The following DIP2A variants were observed in gnomAD, a reference collection of about 807,000 sequenced individuals.
The protein encoded by DIP2A is DIP2 acetate--CoA ligase A, also known as disco-interacting protein 2 homolog A.
In DIP2A, 85 loss-of-function variants were observed where a neutral mutation model predicts 177.4. The observed-to-expected ratio is 0.48, with a 90% CI of 0.40 to 0.57. DIP2A has a LOEUF of 0.57. DIP2A is among the 20% of genes least tolerant of loss of function. The pLI is 0.00. For synonymous variants in DIP2A, 886 were observed against 881.8 expected, an observed-to-expected ratio of 1.00 and a Z score of -0.08; for missense variants, 1,791 against 2,100.2, an observed-to-expected ratio of 0.85 and a Z score of 2.88.
In DIP2A at chr21:46,554,602, G is replaced by T; in HGVS notation, c.3182G>T (p.Gly1061Val). 1 of 1,611,442 alleles carries T rather than the reference G, an allele frequency of 6.2e-7. No homozygotes were observed. The highest frequency in any genetic ancestry group is 8.5e-7 in the Non-Finnish European group (1 of 1,178,940). The part of the protein sequence containing the change: ...PGVDLIAAFY[G>V]CLYCGCVPVT... ...GTGGACCTCATTGCCGCGTTCTATG[G>T]CTGCTTGTACTGTGGCTGCGTGCCT... is the stretch of plus-strand genomic sequence containing the variant. Residue 1061 changes from glycine (G) to valine (V), a missense_variant, in exon 27 of 38, where the codon GGC becomes GTC. Coordinates refer to ENST00000417564, the MANE Select transcript of DIP2A (RefSeq NM_015151.4).
intron 17 of DIP2A, 128 bp from the exon 18 acceptor site, chr21:46,541,628 C>A: frequency 1.9e-6 from 2 of 1,060,286 alleles, no homozygotes; most frequent in Non-Finnish European, 1.4e-6. Flanking sequence ...TTAGAACATG[C>A]GTTTCTCACA....
intron 18 of DIP2A, among the ~76,000 whole-genome samples, chr21:46,543,747 C>T (rs2059919396): frequency 6.6e-6 from 1 of 152,202 alleles, no homozygotes; most frequent in African/African-American, 2.4e-5. Flanking sequence ...CGTGACCTTG[C>T]CCCATCTCTG....
At chr21:46,534,183 A>G in intron 12 of DIP2A, 70 bp downstream of exon 12, 1 of 1,252,802 alleles carries the variant, frequency 8.0e-7, no homozygotes, top group Non-Finnish European at 1.1e-6. Flanking sequence ...TTTTCATAAG[A>G]ATGTAAGTTG....
At chr21:46,482,564 A>T (rs2056420522) in intron 1 of DIP2A, among the ~76,000 whole-genome samples, 1 of 152,202 alleles carries the variant, frequency 6.6e-6, no homozygotes, top group South Asian at 2.1e-4. Context: ...ATTATATTTT[A>T]AAAATGTTAA....
At chr21:46,554,387 C>T in intron 26 of DIP2A, 95 bp downstream of exon 26, 2 of 1,564,272 alleles carry the variant, frequency 1.3e-6, no homozygotes, top group South Asian at 1.2e-5. Flanking sequence ...AAGCATCTTC[C>T]AAAACTAAGC....
chr21:46,525,941 T>G (rs985493373), intron 8 of DIP2A, among the ~76,000 whole-genome samples: 2 of 150,316 alleles, frequency 1.3e-5, no homozygotes, highest in Non-Finnish European at 3.0e-5. Flanking sequence ...GGAGTTTCGC[T>G]CTTGTTGCCC....
chr21:46,470,970 C>G (rs2055328068), intron 1 of DIP2A, among the ~76,000 whole-genome samples: 1 of 150,730 alleles, frequency 6.6e-6, no homozygotes, highest in African/African-American at 2.4e-5. Flanking sequence ...TTTGGTCACT[C>G]TTCTATGTTA....
chr21:46,483,888 G>C (rs1429620005), intron 1 of DIP2A, among the ~76,000 whole-genome samples: 1 of 152,158 alleles, frequency 6.6e-6, no homozygotes, highest in Admixed American at 6.5e-5. Flanking sequence ...TCTAAATAAA[G>C]TCTTCACATC....
chr21:46,550,538 T>G lies in DIP2A; in HGVS notation c.2638-5T>G, dbSNP rs2060233896. 1 of 1,610,982 alleles carries G rather than the reference T, an allele frequency of 6.2e-7. No individual in the cohort carries two copies. The highest frequency in any genetic ancestry group is 1.3e-5 in the African/African-American group (1 of 74,846). ...CCTGTGCCAAACAGGGTCCTTCCCT[T>G]TCAGGCCATTGATAGCATCCACCAG... On this transcript the variant is annotated splice_polypyrimidine_tract_variant and splice_region_variant and intron_variant, in intron 22 of 37. Transcript: ENST00000417564.
chr21:46,562,858 C>A (rs935462315), intron 34 of DIP2A, among the ~76,000 whole-genome samples: 3 of 152,194 alleles, frequency 2.0e-5, no homozygotes, highest in African/African-American at 4.8e-5. Flanking sequence ...TCTCTGAGCA[C>A]AGGGACATGT....
At chr21:46,538,703 C>G in intron 16 of DIP2A, 101 bp downstream of exon 16, 1 of 1,460,074 alleles carries the variant, frequency 6.8e-7, no homozygotes, top group Non-Finnish European at 9.2e-7. Flanking sequence ...TTTTCACTGC[C>G]ATTGTCATAT....
chr21:46,459,062 C>G lies in DIP2A; in HGVS notation c.-70C>G, dbSNP rs1018351840. The G allele has an allele frequency of 1.5e-6, 2 of 1,293,548 alleles. No individual in the cohort carries two copies. Among genetic ancestry groups the G allele is most frequent in the African/African-American group, 3.1e-5 (2 of 63,666 alleles). 80.1% of individuals were successfully genotyped at this position (1,293,548 alleles called of 1,614,324 possible). A position where few individuals can be genotyped will look rare whatever the true frequency, so the allele number is the denominator to read the frequency against. On this transcript the variant is annotated 5_prime_UTR_variant, in exon 1 of 38. Coordinates refer to ENST00000417564, the MANE Select transcript of DIP2A (RefSeq NM_015151.4). ...GTTGGCCTGAGGGGAGCTACGTAGC[C>G]GAGGTTTGCGCTGCCGCCGCCAGGC...
At chr21:46,523,265 G>A (rs1392176660) in intron 8 of DIP2A, among the ~76,000 whole-genome samples, 2 of 148,346 alleles carry the variant, frequency 1.3e-5, no homozygotes, top group East Asian at 4.0e-4. Flanking sequence ...GATGGAGTCT[G>A]GCTCTGTCGC....
At position 46,498,679 on chromosome 21, in the gene DIP2A, C is replaced by G. The variant is rs754405467; in HGVS notation, c.501C>G (p.Leu167=). ...GCCATTCCAGCGTCGAGCCCTGGCT[C>G]GACCGGGTCATTCAGGGCTCGTCCA... ...LQSHSSVEPW[L]DRVIQGSSTS... Residue 167 remains leucine, a synonymous_variant, in exon 5 of 38, where the codon CTC becomes CTG. Coordinates refer to ENST00000417564, the MANE Select transcript of DIP2A (RefSeq NM_015151.4). The surrounding 1 kb of genome is among the most constrained non-coding windows in gnomAD (Gnocchi z 4.3). The G allele has an allele frequency of 1.2e-6, 2 of 1,613,718 alleles. No homozygotes were observed. Among genetic ancestry groups the G allele is most frequent in the Non-Finnish European group, 1.7e-6 (2 of 1,179,888 alleles).
intron 8 of DIP2A, among the ~76,000 whole-genome samples, chr21:46,518,843 C>G (rs2058698834): frequency 6.6e-6 from 1 of 152,142 alleles, no homozygotes; most frequent in African/African-American, 2.4e-5. Flanking sequence ...AGTGACAGAG[C>G]GAGACCCTGT....
At chr21:46,580,931 T>A in the DIP2A span, among the ~76,000 whole-genome samples, 1 of 152,316 alleles carries the variant, frequency 6.6e-6, no homozygotes, top group Admixed American at 6.5e-5. Context: ...TTGGGGCTGA[T>A]CTTCTCATGG....
the DIP2A span, among the ~76,000 whole-genome samples, chr21:46,580,639 G>A: frequency 6.6e-6 from 1 of 152,136 alleles, no homozygotes; most frequent in South Asian, 2.1e-4. Flanking sequence ...AGGCAGGCCT[G>A]GTAGTGATGA....
chr21:46,581,617 T>G, the DIP2A span, among the ~76,000 whole-genome samples: 1 of 152,204 alleles, frequency 6.6e-6, no homozygotes, highest in Non-Finnish European at 1.5e-5. Context: ...GCTGCTGACC[T>G]TTGGATGGGG....
intron 5 of DIP2A, 112 bp from the exon 6 acceptor site, chr21:46,504,249 C>G: frequency 7.1e-7 from 1 of 1,409,492 alleles, no homozygotes; most frequent in Non-Finnish European, 9.8e-7. Context: ...ACCACACTCT[C>G]CCCACTTAGA....
Sources: gnomAD v4.1 joint callset for allele counts (sites outside exome capture counted in the v4.1 genomes callset) on GRCh38, gnomAD v4.1.1 for gene constraint, Gnocchi (gnomAD v3.1) non-coding constraint, MANE v1.5 for transcripts, NCBI Gene and HGNC (gene_info 2026-07-23, HGNC 2026-07-21) for gene names.